PLEKHM2: variants seen among roughly 807,000 people sequenced by gnomAD.
PLEKHM2 encodes the protein pleckstrin homology and RUN domain containing M2.
A neutral mutation model predicts 116.3 loss-of-function variants in PLEKHM2; 77 were observed. The ratio of observed to expected loss-of-function variants is 0.66; its 90% CI spans 0.55 to 0.80. The LOEUF (loss-of-function observed/expected upper bound fraction) is 0.80, where lower values mean the gene tolerates loss of function less well. Ranked by LOEUF, PLEKHM2 falls within the 30% of genes least tolerant of loss-of-function variation. The probability of loss-of-function intolerance (pLI) is 0.00; values close to 1 mark genes in which losing one functional copy is unlikely to be tolerated. For synonymous variants in PLEKHM2, 562 were observed against 571.0 expected (o/e 0.98, Z 0.22); for missense variants, 1,183 against 1,354.9 (o/e 0.87, Z 1.99).
chr1:15,702,065 G>C (rs1247772893), intron 1 of PLEKHM2, among the ~76,000 whole-genome samples: 14 of 152,220 alleles, frequency 9.2e-5, no homozygotes. Context: ...AATGACAGCA[G>C]GTAGCTTGAG....
chr1:15,709,631 C>T (rs1216464500), intron 1 of PLEKHM2, among the ~76,000 whole-genome samples: 1 of 152,132 alleles, frequency 6.6e-6, no homozygotes, highest in Non-Finnish European at 1.5e-5. Flanking sequence ...ACACTTTGGA[C>T]CCGGGTTTCC....
At chr1:15,704,629 T>G (rs565666571) in intron 1 of PLEKHM2, among the ~76,000 whole-genome samples, 1 of 152,356 alleles carries the variant, frequency 6.6e-6, no homozygotes, top group South Asian at 2.1e-4. Context: ...CTGTCATGTT[T>G]AAATGCCTCA....
chr1:15,699,739 C>T (rs896562859), intron 1 of PLEKHM2, among the ~76,000 whole-genome samples: 4 of 151,936 alleles, frequency 2.6e-5, no homozygotes, highest in African/African-American at 7.3e-5. Context: ...GTGGGAGGAT[C>T]GCTTGAGCCC....
intron 7 of PLEKHM2, among the ~76,000 whole-genome samples, chr1:15,724,552 AG>A (rs2068036637): frequency 6.6e-6 from 1 of 151,522 alleles, no homozygotes; most frequent in Admixed American, 6.6e-5. Flanking sequence ...CCTGCCCCCG[AG>A]GAGTGTGTAG....
intron 1 of PLEKHM2, among the ~76,000 whole-genome samples, chr1:15,690,045 C>G (rs990675745): frequency 1.3e-5 from 2 of 150,778 alleles, no homozygotes; most frequent in South Asian, 4.2e-4. Context: ...TGTGAGCCAC[C>G]GCACCCAGCC....
In PLEKHM2 at chr1:15,725,397, C is replaced by T. The variant is rs1176680034; in HGVS notation, c.793C>T (p.Pro265Ser). 6.4e-7 allele frequency: 1 copy of T among 1,552,674 alleles called. No individual in the cohort carries two copies. The highest frequency in any genetic ancestry group is 2.4e-5 in the East Asian group (1 of 40,948). Reference sequence around the variant, plus strand: ...CAGCAGCAAGGCCTCCACCAGGAGCCCCACCCAGCGCCAGAACCCCTTCAA... The same window carrying T: ...CAGCAGCAAGGCCTCCACCAGGAGCTCCACCCAGCGCCAGAACCCCTTCAA... ...LTSSKASTRS[P>S]TQRQNPFNEE... The change falls in exon 8 of 20, where the codon CCC becomes TCC. Residue 265 changes from proline (P) to serine (S), a missense_variant. This residue lies in a region of PLEKHM2 where 372 missense variants were observed against 357.2 expected (regional missense o/e 1.04). Transcript: ENST00000375799.
chr1:15,723,599 G>T (rs1178272795), intron 7 of PLEKHM2, among the ~76,000 whole-genome samples: 1 of 152,056 alleles, frequency 6.6e-6, no homozygotes, highest in Non-Finnish European at 1.5e-5. Context: ...AATTAGCCAG[G>T]CTTGGTGGTG....
chr1:15,704,023 T>C (rs965184840), intron 1 of PLEKHM2, among the ~76,000 whole-genome samples: 9 of 152,192 alleles, frequency 5.9e-5, no homozygotes, highest in Non-Finnish European at 1.3e-4. Flanking sequence ...CCACCATGTT[T>C]AAAAATTTAC....
chr1:15,684,475 G>GCGGCCCC lies in PLEKHM2; in HGVS notation c.-72_-66dup, dbSNP rs1185792425. The GCGGCCCC allele has an allele frequency of 3.8e-6, 3 of 793,646 alleles. No individual in the cohort carries two copies. Among genetic ancestry groups the GCGGCCCC allele is most frequent in the Non-Finnish European group, 4.6e-6 (3 of 653,998 alleles). The allele number at this position is 793,646 out of a possible 1,614,324, so 49.2% of individuals were successfully genotyped here. On this transcript the variant is annotated 5_prime_UTR_variant, in exon 1 of 20. Transcript: ENST00000375799. Reference sequence around the variant, plus strand: ...GTACGGCCGGCGGCAGCGGTTGGCGGCGGCCCCCGGCCCCCGGCGCGGGAA... The same window carrying GCGGCCCC: ...GTACGGCCGGCGGCAGCGGTTGGCGGCGGCCCCCGGCCCCCGGCCCCCGGCGCGGGAA...
intron 19 of PLEKHM2, among the ~76,000 whole-genome samples, chr1:15,732,942 C>A (rs941743657): frequency 7.2e-5 from 11 of 152,254 alleles, no homozygotes; most frequent in Non-Finnish European, 1.5e-4. Flanking sequence ...CTTGCCGTCT[C>A]TTGCTGCGCA....
intron 1 of PLEKHM2, among the ~76,000 whole-genome samples, chr1:15,694,760 T>A (rs1367499655): frequency 6.6e-6 from 1 of 151,760 alleles, no homozygotes; most frequent in African/African-American, 2.4e-5. Flanking sequence ...TGTTTTGTTT[T>A]TTTTTTTTGT....
At chr1:15,720,602 G>A in intron 6 of PLEKHM2, 1 of 387,938 alleles carries the variant, frequency 2.6e-6, no homozygotes, top group Non-Finnish European at 3.5e-6. Context: ...TCTCCTGTAG[G>A]AGACCAGAGC....
intron 19 of PLEKHM2, among the ~76,000 whole-genome samples, chr1:15,733,052 G>A (rs2068169454): frequency 6.6e-6 from 1 of 152,374 alleles, no homozygotes; most frequent in Admixed American, 6.5e-5. Flanking sequence ...GTGGGTGTGG[G>A]ACTCCAGCCC....
At chr1:15,708,099 G>A (rs531446729) in intron 1 of PLEKHM2, among the ~76,000 whole-genome samples, 1 of 152,168 alleles carries the variant, frequency 6.6e-6, no homozygotes, top group Admixed American at 6.5e-5. Context: ...TGGCCAGGCT[G>A]GTCTTGAACT....
At chr1:15,710,781 A>G (rs1351537905) in intron 1 of PLEKHM2, among the ~76,000 whole-genome samples, 1 of 152,250 alleles carries the variant, frequency 6.6e-6, no homozygotes, top group Non-Finnish European at 1.5e-5. Context: ...GGCATATTAC[A>G]TCACAGATCA....
At position 15,716,512 on chromosome 1, in the gene PLEKHM2, C is replaced by A. The variant is rs571568732; in HGVS notation, c.167+169C>A. On this transcript the variant is annotated intron_variant, in intron 2 of 19. Coordinates refer to ENST00000375799, the MANE Select transcript of PLEKHM2 (RefSeq NM_015164.4). ...TCTCTCTGTAGTTACCCCAGTAAAT[C>A]ATCTCTGGGCAGACATAAATGATGG... is the stretch of plus-strand genomic sequence containing the variant. 9.2e-5 allele frequency among the ~76,000 whole-genome samples: 14 copies of A among 152,308 alleles called. No homozygotes were observed. In the South Asian group the frequency reaches 2.9e-3, roughly 32 times the overall value.
Position 15,727,721 on chromosome 1 carries a change from T to C in PLEKHM2, c.1649T>C (p.Leu550Pro). Residue 550 changes from leucine (L) to proline (P), a missense_variant, in exon 9 of 20, where the codon CTC (leucine) becomes CCC (proline). Leu to Pro is a moderately conservative substitution (Grantham distance 98). This residue lies in a region of PLEKHM2 where 594 missense variants were observed against 720.1 expected (regional missense o/e 0.82). Coordinates refer to ENST00000375799, the MANE Select transcript of PLEKHM2 (RefSeq NM_015164.4). The surrounding 1 kb of genome is among the most constrained non-coding windows in gnomAD (Gnocchi z 7.5). ...SEPEPGTQEV[L>P]CQLKRDQPSP... ...CCAGAGCCTGGGACCCAGGAGGTTC[T>C]CTGCCAGCTCAAGCGAGACCAGCCC... The C allele has an allele frequency of 6.3e-7, 1 of 1,597,988 alleles. No homozygotes were observed.
rs147470008 is a variant in PLEKHM2, at chr1:15,708,248, C to T, written c.61-7989C>T. Among the ~76,000 whole-genome samples the T allele has an allele frequency of 3.8e-3, 574 of 151,484 alleles. 3 individuals are homozygous for T. Among genetic ancestry groups the T allele is most frequent in the African/African-American group, 0.013 (544 of 41,238 alleles). ...TTTTTTCTTTTTTTTTATGGAGTCTCGCTCTGTCGCCAGGCTGGAGTGCAG... is the reference window on the plus strand; with the variant it reads ...TTTTTTCTTTTTTTTTATGGAGTCTTGCTCTGTCGCCAGGCTGGAGTGCAG... On this transcript the variant is annotated intron_variant, in intron 1 of 19. Transcript: ENST00000375799.
rs901678457 is a variant in PLEKHM2, at chr1:15,721,220, C to T, written c.653-109C>T. 1.1e-5 allele frequency: 8 copies of T among 719,898 alleles called. No homozygotes were observed. Among genetic ancestry groups the T allele is most frequent in the Non-Finnish European group, 2.0e-5 (8 of 406,626 alleles). 44.6% of individuals were successfully genotyped at this position (719,898 alleles called of 1,614,324 possible). ...TACAATGTAGAAAGTTGAAGTTTTC[C>T]TCTCCTATTTTCTCCCCATGTCTCC... On this transcript the variant is annotated intron_variant, in intron 6 of 19. Coordinates refer to ENST00000375799, the MANE Select transcript of PLEKHM2 (RefSeq NM_015164.4). The surrounding 1 kb of genome is among the most constrained non-coding windows in gnomAD (Gnocchi z 5.1).
Sources: allele counts gnomAD v4.1 joint callset (sites outside exome capture counted in the v4.1 genomes callset), GRCh38; gene constraint gnomAD v4.1.1; regional missense constraint gnomAD v4.1.1; non-coding constraint Gnocchi (gnomAD v3.1); transcripts MANE v1.5; gene names NCBI Gene and HGNC (gene_info 2026-07-23, HGNC 2026-07-21).